The following CACNB2 variants were observed in gnomAD, a reference collection of about 807,000 sequenced individuals.
CACNB2 encodes voltage-dependent L-type calcium channel subunit beta-2.
CACNB2 carries 42 observed loss-of-function variants against 73.3 expected under a neutral mutation model. The ratio of observed to expected loss-of-function variants is 0.57; its 90% CI spans 0.45 to 0.74. The LOEUF is 0.74. CACNB2 is among the 30% of genes least tolerant of loss of function. The pLI is 0.00. For synonymous variants in CACNB2, 348 were observed against 310.3 expected (o/e 1.12, Z -1.28); for missense variants, 940 against 853.0 (o/e 1.10, Z -1.27).
chr10:18,151,822 CTT>C (rs1191152950), intron 2 of CACNB2, among the ~76,000 whole-genome samples: 1 of 152,132 alleles, frequency 6.6e-6, no homozygotes, highest in Non-Finnish European at 1.5e-5. Flanking sequence ...CTCATCATCT[CTT>C]GTCAATGACA....
chr10:18,303,763 T>C (rs1009729069), intron 2 of CACNB2, among the ~76,000 whole-genome samples: 12 of 152,180 alleles, frequency 7.9e-5, no homozygotes, highest in Non-Finnish European at 1.6e-4. Context: ...TGACTAGTTG[T>C]GGCACTAGTT....
At chr10:18,519,108 T>C in intron 9 of CACNB2, 140 bp downstream of exon 9, 1 of 757,762 alleles carries the variant, frequency 1.3e-6, no homozygotes, top group Non-Finnish European at 2.4e-6. Context: ...CTCAATTTAA[T>C]CTGATTCAAT....
intron 2 of CACNB2, among the ~76,000 whole-genome samples, chr10:18,400,157 C>T (rs546716442): frequency 1.3e-5 from 2 of 152,342 alleles, no homozygotes; most frequent in Non-Finnish European, 2.9e-5. Context: ...GGCCACGTCA[C>T]TCTCTTGCAT....
At chr10:18,195,835 A>G (rs889441572) in intron 2 of CACNB2, among the ~76,000 whole-genome samples, 1 of 152,222 alleles carries the variant, frequency 6.6e-6, no homozygotes, top group African/African-American at 2.4e-5. Flanking sequence ...TGTAATGTCT[A>G]TGAACTTGCA....
chr10:18,422,953 T>C, intron 3 of CACNB2, among the ~76,000 whole-genome samples: 1 of 152,210 alleles, frequency 6.6e-6, no homozygotes, highest in Admixed American at 6.5e-5. Context: ...CCATGTTGGC[T>C]TCCCAAATTG....
chr10:18,444,020 C>A (rs2046610941), intron 3 of CACNB2, among the ~76,000 whole-genome samples: 1 of 152,176 alleles, frequency 6.6e-6, no homozygotes. Context: ...CAGCCACGCC[C>A]TTTCTTAGAC....
intron 2 of CACNB2, among the ~76,000 whole-genome samples, chr10:18,233,206 G>A (rs2036291884): frequency 6.6e-6 from 1 of 152,170 alleles, no homozygotes; most frequent in Non-Finnish European, 1.5e-5. Context: ...TATCATATTA[G>A]CATCAGCTCA....
chr10:18,172,430 A>G (rs556738881), intron 2 of CACNB2, among the ~76,000 whole-genome samples: 2 of 152,282 alleles, frequency 1.3e-5, no homozygotes, highest in African/African-American at 4.8e-5. Flanking sequence ...CTTCTCTTGA[A>G]TCTTCACTGT....
At chr10:18,398,007 C>G (rs922267751) in intron 2 of CACNB2, among the ~76,000 whole-genome samples, 13 of 152,088 alleles carry the variant, frequency 8.5e-5, no homozygotes, top group African/African-American at 1.2e-4. Context: ...ACCAGCTAAT[C>G]ACGTTGTAAG....
intron 2 of CACNB2, among the ~76,000 whole-genome samples, chr10:18,196,908 C>T (rs903445919): frequency 1.4e-4 from 22 of 152,058 alleles, no homozygotes; most frequent in African/African-American, 4.6e-4. Flanking sequence ...TCTTTTGATC[C>T]AGCCCATCCT....
intron 3 of CACNB2, among the ~76,000 whole-genome samples, chr10:18,436,691 G>A (rs1315136032): frequency 3.9e-5 from 6 of 152,074 alleles, no homozygotes; most frequent in African/African-American, 1.4e-4. Context: ...AATGTTACTG[G>A]GTTCCCATTC....
chr10:18,270,408 A>G (rs1349669658), intron 2 of CACNB2, among the ~76,000 whole-genome samples: 1 of 152,106 alleles, frequency 6.6e-6, no homozygotes, highest in Admixed American at 6.6e-5. Context: ...ACCCCATCTT[A>G]GTCTTCATCC....
chr10:18,298,759 C>A (rs2039381149), intron 2 of CACNB2, among the ~76,000 whole-genome samples: 1 of 152,176 alleles, frequency 6.6e-6, no homozygotes, highest in African/African-American at 2.4e-5. Flanking sequence ...TTCAACTGCA[C>A]TGTGAGAGGG....
chr10:18,286,398 G>A (rs1228621279), intron 2 of CACNB2, among the ~76,000 whole-genome samples: 2 of 151,562 alleles, frequency 1.3e-5, no homozygotes, highest in Admixed American at 1.3e-4. Flanking sequence ...GGCGCCTGTA[G>A]TCCCAGCTAC....
intron 2 of CACNB2, among the ~76,000 whole-genome samples, chr10:18,197,448 C>T (rs1352065653): frequency 6.6e-6 from 1 of 152,072 alleles, no homozygotes; most frequent in African/African-American, 2.4e-5. Flanking sequence ...TAAAGCAGGC[C>T]CCAACACAGG....
At chr10:18,180,281 A>T (rs1426381016) in intron 2 of CACNB2, among the ~76,000 whole-genome samples, 1 of 152,154 alleles carries the variant, frequency 6.6e-6, no homozygotes, top group East Asian at 1.9e-4. Context: ...GGGGTGGTCT[A>T]AGAGCCTGTG....
In CACNB2 at chr10:18,436,627, G is replaced by GT. The variant is rs548660433; in HGVS notation, c.333+34590dup. On this transcript the variant is annotated intron_variant, in intron 3 of 13. Transcript: ENST00000324631. ...GCAAAGCATATTTGTTTGTTTGTTTGTTTTTTAACTCAAAAGCACCTGAAA... is the reference window on the plus strand; with the variant it reads ...GCAAAGCATATTTGTTTGTTTGTTTGTTTTTTTAACTCAAAAGCACCTGAAA... Among the ~76,000 whole-genome samples the GT allele has an allele frequency of 5.2e-4, 79 of 152,180 alleles. 1 individual carries two copies. The South Asian group carries it at 0.016, about 30-fold the overall frequency.
At position 18,149,284 on chromosome 10, in the gene CACNB2, A is replaced by G. The variant is rs189327915; in HGVS notation, c.121-1599A>G. Among the ~76,000 whole-genome samples, 1,126 of 152,314 alleles carry G rather than the reference A, an allele frequency of 7.4e-3. 28 individuals carry two copies. Among genetic ancestry groups the G allele is most frequent in the Non-Finnish European group, 5.4e-3 (369 of 68,016 alleles). Reference sequence around the variant, plus strand: ...CTTTACATAATAATTGGAAAAGAAAAAAAGTGGTTAAAAGAATGTTATTTT... The same window carrying G: ...CTTTACATAATAATTGGAAAAGAAAGAAAGTGGTTAAAAGAATGTTATTTT... On this transcript the variant is annotated intron_variant, in intron 1 of 13. Coordinates refer to ENST00000324631, the MANE Select transcript of CACNB2 (RefSeq NM_201596.3).
At position 18,403,873 on chromosome 10, in the gene CACNB2, A is replaced by C. The variant is rs541726987; in HGVS notation, c.333+1830A>C. Among the ~76,000 whole-genome samples the C allele has an allele frequency of 2.1e-3, 291 of 139,726 alleles. 2 individuals are homozygous for C. Among genetic ancestry groups the C allele is most frequent in the Middle Eastern group, 3.7e-3 (1 of 272 alleles). The allele number at this position is 139,726 out of a possible 152,430, so 91.7% of individuals were successfully genotyped here. A position where few individuals can be genotyped will look rare whatever the true frequency, so the allele number is the denominator to read the frequency against. On this transcript the variant is annotated intron_variant, in intron 3 of 13. Transcript: ENST00000324631. The stretch of plus-strand genomic sequence containing the variant: ...AGATGGGAATGGTTAATGGGTACCC[A>C]AAAAAAAAAAAAATAGAAAGAATGA...
Sources: allele counts gnomAD v4.1 joint callset (sites outside exome capture counted in the v4.1 genomes callset), GRCh38; gene constraint gnomAD v4.1.1; transcripts MANE v1.5; gene names NCBI Gene and HGNC (gene_info 2026-07-23, HGNC 2026-07-21).